The following EYS variants were observed in gnomAD, a reference collection of about 807,000 sequenced individuals.
EYS encodes protein eyes shut homolog.
EYS carries 250 observed loss-of-function variants against 282.1 expected under a neutral mutation model. The ratio of observed to expected loss-of-function variants is 0.89; its 90% CI spans 0.80 to 0.98. The LOEUF is 0.98. Among genes scored for constraint, EYS ranks in the 50% least tolerant of loss-of-function variants. EYS has a pLI of 0.00. For missense variants in EYS, 4,016 were observed against 3,709.0 expected, an observed-to-expected ratio of 1.08 and a Z score of -2.15; for synonymous variants, 1,355 against 1,282.9, an observed-to-expected ratio of 1.06 and a Z score of -1.20.
intron 22 of EYS, among the ~76,000 whole-genome samples, chr6:64,760,445 A>T (rs1487159622): frequency 6.6e-6 from 1 of 152,148 alleles, no homozygotes; most frequent in African/African-American, 2.4e-5. Flanking sequence ...CTTCTGATGT[A>T]ACGCTGCCAT....
At chr6:64,022,654 C>G (rs115849420) in intron 33 of EYS, among the ~76,000 whole-genome samples, 4,060 of 152,224 alleles carry the variant, frequency 0.027, 108 homozygotes, top group East Asian at 0.07. Context: ...TTATTCTCTG[C>G]AAGCGTGGCT....
At position 64,945,920 on chromosome 6, in the gene EYS, A is replaced by G. The variant is rs1769274047; in HGVS notation, c.2260-6T>C. The G allele has an allele frequency of 1.3e-6, 2 of 1,538,872 alleles. No homozygotes were observed. The highest frequency in any genetic ancestry group is 2.8e-5 in the African/African-American group (2 of 72,492). On this transcript the variant is annotated splice_polypyrimidine_tract_variant and splice_region_variant and intron_variant, in intron 14 of 42. Coordinates refer to ENST00000503581, the MANE Select transcript of EYS (RefSeq NM_001142800.2). ...AGGCACACACACTGGTAGCTCTAAG[A>G]GAATATGAAATTATATATTTTTAGG...
intron 2 of EYS, among the ~76,000 whole-genome samples, chr6:65,514,494 C>G (rs1272201090): frequency 2.0e-5 from 3 of 152,112 alleles, no homozygotes; most frequent in Non-Finnish European, 4.4e-5. Flanking sequence ...CAATCCTAAG[C>G]CAAAAGAACA....
At chr6:64,533,392 AATT>A (rs1764415798) in intron 26 of EYS, among the ~76,000 whole-genome samples, 1 of 152,174 alleles carries the variant, frequency 6.6e-6, no homozygotes, top group Admixed American at 6.5e-5. Flanking sequence ...TCAAAGAATC[AATT>A]ATCTATGTAC....
At chr6:64,421,183 G>A (rs1413310071) in intron 28 of EYS, among the ~76,000 whole-genome samples, 3 of 152,082 alleles carry the variant, frequency 2.0e-5, no homozygotes, top group Admixed American at 1.3e-4. Context: ...ATGGTGGGAG[G>A]GGAAGTAAAC....
chr6:64,048,349 A>C (rs192371010), intron 33 of EYS, among the ~76,000 whole-genome samples: 1 of 152,166 alleles, frequency 6.6e-6, no homozygotes, highest in East Asian at 1.9e-4. Flanking sequence ...GCTACTCCAT[A>C]ACTTTCCATT....
intron 35 of EYS, among the ~76,000 whole-genome samples, chr6:63,970,612 G>C (rs1383750260): frequency 6.6e-6 from 1 of 150,702 alleles, no homozygotes; most frequent in Admixed American, 6.6e-5. Context: ...TCCAGCCTGG[G>C]GGCCAGAGCA....
intron 21 of EYS, among the ~76,000 whole-genome samples, chr6:64,815,645 T>G (rs1764724625): frequency 6.6e-6 from 1 of 152,050 alleles, no homozygotes; most frequent in East Asian, 1.9e-4. Flanking sequence ...ATATTCTATT[T>G]AATATAATAA....
chr6:63,744,331 T>C (rs868793396), intron 41 of EYS: 26 of 152,092 alleles, frequency 1.7e-4, no homozygotes, highest in African/African-American at 6.0e-4. Flanking sequence ...TTAATGAGGA[T>C]GGAGGGATAA....
chr6:64,121,164 C>T (rs919626909), intron 31 of EYS, among the ~76,000 whole-genome samples: 19 of 152,178 alleles, frequency 1.2e-4, no homozygotes, highest in Admixed American at 1.2e-3. Flanking sequence ...CTCCAGTCAA[C>T]TATGACCCAG....
chr6:65,003,148 T>C (rs1187244657), intron 13 of EYS, among the ~76,000 whole-genome samples: 2 of 147,792 alleles, frequency 1.4e-5, no homozygotes, highest in African/African-American at 4.9e-5. Flanking sequence ...CATATTTCTC[T>C]TCTTTCAAAA....
intron 12 of EYS, among the ~76,000 whole-genome samples, chr6:65,255,435 T>G (rs1767434363): frequency 6.6e-6 from 1 of 151,886 alleles, no homozygotes; most frequent in Non-Finnish European, 1.5e-5. Context: ...GGGGAAACAC[T>G]CCAGGACATT....
intron 19 of EYS, among the ~76,000 whole-genome samples, chr6:64,882,980 T>C (rs1766969060): frequency 6.6e-6 from 1 of 151,510 alleles, no homozygotes; most frequent in South Asian, 2.1e-4. Context: ...AAGATTCCTA[T>C]AGAAAGTTGC....
chr6:65,436,320 TA>T (rs1352900243), intron 5 of EYS, among the ~76,000 whole-genome samples: 1 of 152,134 alleles, frequency 6.6e-6, no homozygotes, highest in African/African-American at 2.4e-5. Context: ...CAACAGACAT[TA>T]TTTTTTTCAT....
chr6:65,077,175 T>C (rs372014582), intron 12 of EYS, among the ~76,000 whole-genome samples: 7 of 152,184 alleles, frequency 4.6e-5, no homozygotes, highest in African/African-American at 1.7e-4. Context: ...CTATTAGCCC[T>C]AAGGTTGAGT....
At chr6:65,314,069 G>A (rs1282762684) in intron 11 of EYS, among the ~76,000 whole-genome samples, 1 of 151,944 alleles carries the variant, frequency 6.6e-6, no homozygotes, top group Non-Finnish European at 1.5e-5. Context: ...CTTTCCATTG[G>A]CTGTTCCATC....
At chr6:64,888,562 GGTGAAAGAGTAGA>G in intron 18 of EYS, among the ~76,000 whole-genome samples, 1 of 152,012 alleles carries the variant, frequency 6.6e-6, no homozygotes, top group East Asian at 1.9e-4. Context: ...TGGGATACTG[GGTGAAAGAGTAGA>G]GTATTTCCCA....
At chr6:64,417,363 G>T (rs1224466318) in intron 28 of EYS, among the ~76,000 whole-genome samples, 1 of 152,134 alleles carries the variant, frequency 6.6e-6, no homozygotes, top group Admixed American at 6.5e-5. Flanking sequence ...ACAATGGGTA[G>T]CAGTGCTAGA....
chr6:64,763,314 G>A (rs930211580), intron 22 of EYS, among the ~76,000 whole-genome samples: 1 of 152,128 alleles, frequency 6.6e-6, no homozygotes, highest in Non-Finnish European at 1.5e-5. Context: ...GCATGACTGG[G>A]AGGACTAAGG....
Sources: gnomAD v4.1 joint callset for allele counts (sites outside exome capture counted in the v4.1 genomes callset) on GRCh38, gnomAD v4.1.1 for gene constraint, MANE v1.5 for transcripts, NCBI Gene and HGNC (gene_info 2026-07-23, HGNC 2026-07-21) for gene names.